KIF13A: variants seen among roughly 807,000 people sequenced by gnomAD.
The protein encoded by KIF13A is kinesin-like protein KIF13A.
A neutral mutation model predicts 212.2 loss-of-function variants in KIF13A; 79 were observed. That is an observed-to-expected ratio of 0.37 (90% CI 0.31 to 0.45). The LOEUF is 0.45. KIF13A is among the 20% of genes least tolerant of loss of function. The pLI is 1.00. For synonymous variants in KIF13A, 789 were observed against 808.6 expected (o/e 0.98, Z 0.41); for missense variants, 1,901 against 2,209.0 (o/e 0.86, Z 2.79).
chr6:17,879,555 C>T (rs1393887464), intron 3 of KIF13A, among the ~76,000 whole-genome samples: 1 of 152,158 alleles, frequency 6.6e-6, no homozygotes, highest in Non-Finnish European at 1.5e-5. Context: ...TCCCCTTCAG[C>T]ATCATTATTC....
chr6:17,919,249 T>A lies in KIF13A; in HGVS notation c.147-21069A>T, dbSNP rs1774824488. ...CAGCATCACATAACATCACAAAACA[T>A]CACAGCACATCACAAAACAGTAGAA... is the stretch of plus-strand genomic sequence containing the variant. On this transcript the variant is annotated intron_variant, in intron 2 of 38. Coordinates refer to ENST00000259711, the MANE Select transcript of KIF13A (RefSeq NM_022113.6). This position sits in a 1 kb window ranked among gnomAD's most constrained non-coding sequence, Gnocchi z 4.1. Among the ~76,000 whole-genome samples, 1 of 152,062 alleles carries A rather than the reference T, an allele frequency of 6.6e-6. No individual in the cohort carries two copies. Among genetic ancestry groups the A allele is most frequent in the South Asian group, 2.1e-4 (1 of 4,820 alleles).
chr6:17,834,062 C>T lies in KIF13A; in HGVS notation c.1165G>A (p.Ala389Thr), dbSNP rs1452000005. ...EQLSQAEAMK[A>T]PELKEKLEES... ...TCGAGCTTCTCCTTCAGTTCAGGGGCCTTCATGGCCTTTAAAATGAAATCA... is the reference window on the plus strand; with the variant it reads ...TCGAGCTTCTCCTTCAGTTCAGGGGTCTTCATGGCCTTTAAAATGAAATCA... The change falls in exon 12 of 39, where the codon GCC becomes ACC. Residue 389 changes from alanine (A) to threonine (T), a missense_variant. Physicochemically the swap from Ala to Thr is moderately conservative, Grantham distance 58. Transcript: ENST00000259711. The surrounding 1 kb of genome is among the most constrained non-coding windows in gnomAD (Gnocchi z 4.0). 1 of 1,567,700 alleles carries T rather than the reference C, an allele frequency of 6.4e-7. No individual in the cohort carries two copies. The highest frequency in any genetic ancestry group is 8.6e-7 in the Non-Finnish European group (1 of 1,160,996).
intron 3 of KIF13A, among the ~76,000 whole-genome samples, chr6:17,874,999 G>GTGCGCGCACACACACA (rs1554188631): frequency 8.3e-6 from 1 of 120,266 alleles, no homozygotes; most frequent in African/African-American, 3.1e-5. Flanking sequence ...ACACGCACAC[G>GTGCGCGCACACACACA]CACGCACACA....
chr6:17,854,751 T>A (rs866224261), intron 6 of KIF13A, among the ~76,000 whole-genome samples: 40 of 149,198 alleles, frequency 2.7e-4, no homozygotes, highest in African/African-American at 9.6e-4. Context: ...TGGGGTTTTG[T>A]CATGTTGGTC....
chr6:17,984,793 C>A lies in KIF13A; in HGVS notation c.146+2261G>T, dbSNP rs1250565457. 2.0e-5 allele frequency among the ~76,000 whole-genome samples: 3 copies of A among 152,176 alleles called. No individual in the cohort carries two copies. Among genetic ancestry groups the A allele is most frequent in the African/African-American group, 7.2e-5 (3 of 41,440 alleles). On this transcript the variant is annotated intron_variant, in intron 2 of 38. Transcript: ENST00000259711. The surrounding 1 kb of genome is among the most constrained non-coding windows in gnomAD (Gnocchi z 5.0). ...TCTTACACTTCAAACCTTGGACTTG[C>A]AGATATGAAAAATAATAACATTCTC...
At chr6:17,864,482 G>A (rs1223741677) in intron 4 of KIF13A, among the ~76,000 whole-genome samples, 2 of 152,028 alleles carry the variant, frequency 1.3e-5, no homozygotes, top group African/African-American at 4.8e-5. Context: ...AGTCACATAC[G>A]ATATGAATCT....
In KIF13A at chr6:17,881,733, C is replaced by A. The variant is rs552161776; in HGVS notation, c.160-8296G>T. ...CAGCAATGGCCAGGCACAGGGCTCA[C>A]GGCTGTAACCCTAGCACTTTGGGAG... On this transcript the variant is annotated intron_variant, in intron 3 of 38. Transcript: ENST00000259711. 5.1e-5 allele frequency: 17 copies of A among 333,066 alleles called. No homozygotes were observed. In the East Asian group the frequency reaches 1.2e-3, roughly 24 times the overall value. The allele number at this position is 333,066 out of a possible 1,614,324, so 20.6% of individuals were successfully genotyped here.
At chr6:17,940,817 ATTTTTT>A (rs11325656) in intron 2 of KIF13A, among the ~76,000 whole-genome samples, 23 of 140,582 alleles carry the variant, frequency 1.6e-4, no homozygotes, top group Admixed American at 5.1e-4. Flanking sequence ...ATGTAAATTT[ATTTTTT>A]TTTTTTTTTT....
At chr6:17,796,917 T>C (rs772926319) in intron 22 of KIF13A, 97 bp from the exon 23 acceptor site, 4 of 690,106 alleles carry the variant, frequency 5.8e-6, no homozygotes, top group Non-Finnish European at 8.3e-6. Flanking sequence ...TAGAGTATAT[T>C]AGCCTGATCG....
intron 2 of KIF13A, among the ~76,000 whole-genome samples, chr6:17,937,756 T>TTG (rs1476711695): frequency 3.6e-5 from 5 of 138,992 alleles, no homozygotes; most frequent in Non-Finnish European, 6.2e-5. Context: ...GTTTTTTTTT[T>TTG]TTTGTTTTTT....
At chr6:17,939,032 C>T (rs1160568421) in intron 2 of KIF13A, among the ~76,000 whole-genome samples, 2 of 152,114 alleles carry the variant, frequency 1.3e-5, no homozygotes, top group African/African-American at 4.8e-5. Flanking sequence ...AGCAAATTGG[C>T]ACAAATTCCT....
chr6:17,976,474 G>GCTC (rs1279553239), intron 2 of KIF13A, among the ~76,000 whole-genome samples: 1 of 152,230 alleles, frequency 6.6e-6, no homozygotes, highest in African/African-American at 2.4e-5. Flanking sequence ...CCGGCTGGCT[G>GCTC]CTCCGAATGC....
chr6:17,793,260 T>A (rs903521865), intron 25 of KIF13A, among the ~76,000 whole-genome samples: 2 of 152,014 alleles, frequency 1.3e-5, no homozygotes, highest in Non-Finnish European at 2.9e-5. Context: ...TTCTGTATTT[T>A]TAGTAGAGAC....
At position 17,771,089 on chromosome 6, in the gene KIF13A, T is replaced by C; in HGVS notation, c.4581+25A>G. On this transcript the variant is annotated intron_variant, in intron 38 of 38. Transcript: ENST00000259711. The surrounding 1 kb of genome is among the most constrained non-coding windows in gnomAD (Gnocchi z 5.4). ...GCCTTAAACCCACCACCAGGCAATA[T>C]GACAGAAATGGTTCCGGAACTTACA... 6.6e-7 allele frequency: 1 copy of C among 1,507,516 alleles called. No homozygotes were observed. Among genetic ancestry groups the C allele is most frequent in the South Asian group, 1.2e-5 (1 of 86,750 alleles). 93.4% of individuals were successfully genotyped at this position (1,507,516 alleles called of 1,614,324 possible).
In KIF13A at chr6:17,831,307, A is replaced by T; in HGVS notation, c.1267-72T>A. The T allele has an allele frequency of 2.6e-6, 4 of 1,534,484 alleles. No homozygotes were observed. The South Asian group carries it at 5.0e-5, about 19-fold the overall frequency. On this transcript the variant is annotated intron_variant, in intron 12 of 38. Transcript: ENST00000259711. Reference sequence around the variant, plus strand: ...ATTCACAAGATGTATCCACGGAAAGAGTAAGTCACTGTTTCTGGGGACAAT... The same window carrying T: ...ATTCACAAGATGTATCCACGGAAAGTGTAAGTCACTGTTTCTGGGGACAAT...
Position 17,934,834 on chromosome 6 carries a change from T to C in KIF13A, c.147-36654A>G, listed in dbSNP as rs373893415. On this transcript the variant is annotated intron_variant, in intron 2 of 38. Coordinates refer to ENST00000259711, the MANE Select transcript of KIF13A (RefSeq NM_022113.6). The surrounding 1 kb of genome is among the most constrained non-coding windows in gnomAD (Gnocchi z 5.4). ...AAAAATAATACTCTTGTGCTGTTTGTCATAAATATGGCCACCATCTAATGT... is the reference window on the plus strand; with the variant it reads ...AAAAATAATACTCTTGTGCTGTTTGCCATAAATATGGCCACCATCTAATGT... Among the ~76,000 whole-genome samples, 1 of 152,026 alleles carries C rather than the reference T, an allele frequency of 6.6e-6. No individual in the cohort carries two copies. Among genetic ancestry groups the C allele is most frequent in the African/African-American group, 2.4e-5 (1 of 41,392 alleles).
rs557632203 is a variant in KIF13A at position 17,792,935 on chromosome 6, C to A, written c.3222+1314G>T. Reference sequence around the variant, plus strand: ...ATAGAGAAATGTTTTCTCCTCGGCACGATAGGGAGAGTGCTCCCGATCACA... The same window carrying A: ...ATAGAGAAATGTTTTCTCCTCGGCAAGATAGGGAGAGTGCTCCCGATCACA... On this transcript the variant is annotated intron_variant, in intron 25 of 38. Transcript: ENST00000259711. Among the ~76,000 whole-genome samples, 4 of 152,260 alleles carry A rather than the reference C, an allele frequency of 2.6e-5. No individual in the cohort carries two copies. In the South Asian group the frequency reaches 6.2e-4, roughly 24 times the overall value.
chr6:17,852,482 T>C (rs923314482), intron 6 of KIF13A, among the ~76,000 whole-genome samples: 1 of 152,204 alleles, frequency 6.6e-6, no homozygotes, highest in Non-Finnish European at 1.5e-5. Flanking sequence ...TGCAGTAGCA[T>C]GACCCCGGCT....
At chr6:17,853,260 A>C (rs1767833740) in intron 6 of KIF13A, among the ~76,000 whole-genome samples, 1 of 152,164 alleles carries the variant, frequency 6.6e-6, no homozygotes, top group Non-Finnish European at 1.5e-5. Context: ...ACTTAGATGC[A>C]CACGATCCAG....
Sources: gnomAD v4.1 joint callset for allele counts (sites outside exome capture counted in the v4.1 genomes callset) on GRCh38, gnomAD v4.1.1 for gene constraint, Gnocchi (gnomAD v3.1) non-coding constraint, MANE v1.5 for transcripts, NCBI Gene and HGNC (gene_info 2026-07-23, HGNC 2026-07-21) for gene names.